Variants in SORCS1 observed in about 807,000 individuals in gnomAD.
SORCS1 encodes sortilin related VPS10 domain containing receptor 1, also known as VPS10 domain-containing receptor SorCS1.
A neutral mutation model predicts 146.1 loss-of-function variants in SORCS1; 60 were observed. The observed-to-expected ratio is 0.41, with a 90% CI of 0.33 to 0.51. SORCS1 has a LOEUF of 0.51. Among genes scored for constraint, SORCS1 ranks in the 20% least tolerant of loss-of-function variants. The pLI is 0.21. For synonymous variants in SORCS1, 637 were observed against 584.0 expected, an observed-to-expected ratio of 1.09 and a Z score of -1.31; for missense variants, 1,352 against 1,487.6, an observed-to-expected ratio of 0.91 and a Z score of 1.50.
intron 22 of SORCS1, among the ~76,000 whole-genome samples, chr10:106,610,903 A>C (rs1164170782): frequency 6.6e-6 from 1 of 152,032 alleles, no homozygotes; most frequent in Non-Finnish European, 1.5e-5. Flanking sequence ...ACATGGTGAC[A>C]CCCGTCTCTA....
chr10:106,792,254 G>A (rs923300129), intron 3 of SORCS1, among the ~76,000 whole-genome samples: 7 of 152,170 alleles, frequency 4.6e-5, no homozygotes, highest in Admixed American at 3.9e-4. Flanking sequence ...TTGCGTTCCC[G>A]AAATAAAGGA....
chr10:106,995,956 C>T (rs139283768), intron 1 of SORCS1, among the ~76,000 whole-genome samples: 3,149 of 152,030 alleles, frequency 0.021, 48 homozygotes, highest in Non-Finnish European at 0.029. Flanking sequence ...AGGCCAGGTG[C>T]GGTGGCTCAC....
chr10:106,981,617 T>C (rs934049917), intron 1 of SORCS1, among the ~76,000 whole-genome samples: 3 of 152,234 alleles, frequency 2.0e-5, no homozygotes, highest in South Asian at 2.1e-4. Context: ...TGGGTACTTA[T>C]AATCTCAGAG....
intron 1 of SORCS1, among the ~76,000 whole-genome samples, chr10:107,083,669 C>T (rs1039233114): frequency 6.6e-6 from 1 of 152,172 alleles, no homozygotes; most frequent in East Asian, 1.9e-4. Context: ...TTAACCTACT[C>T]CTAGCCTTAC....
At chr10:106,930,183 G>A (rs555812915) in intron 2 of SORCS1, among the ~76,000 whole-genome samples, 24 of 152,168 alleles carry the variant, frequency 1.6e-4, no homozygotes, top group Non-Finnish European at 3.4e-4. Context: ...TTGGGAGGCT[G>A]AGGCAGAAGA....
intron 3 of SORCS1, among the ~76,000 whole-genome samples, chr10:106,789,369 T>C (rs1946208700): frequency 6.6e-6 from 1 of 152,224 alleles, no homozygotes; most frequent in Non-Finnish European, 1.5e-5. Context: ...TGGGTTTTTC[T>C]TTTCTACTGC....
chr10:106,592,663 G>A (rs1746500474), intron 24 of SORCS1, among the ~76,000 whole-genome samples: 1 of 151,808 alleles, frequency 6.6e-6, no homozygotes, highest in Non-Finnish European at 1.5e-5. Context: ...GCTAACAATG[G>A]TTCTTTTTTT....
At chr10:107,134,057 TAGTAGTAG>T (rs1967070031) in intron 1 of SORCS1, among the ~76,000 whole-genome samples, 1 of 152,124 alleles carries the variant, frequency 6.6e-6, no homozygotes, top group Non-Finnish European at 1.5e-5. Context: ...TTACTACTAG[TAGTAGTAG>T]CAGTGCTAGT....
intron 2 of SORCS1, among the ~76,000 whole-genome samples, chr10:106,919,929 T>C (rs1952627860): frequency 6.6e-6 from 1 of 152,238 alleles, no homozygotes; most frequent in Non-Finnish European, 1.5e-5. Context: ...AGTTTCACAA[T>C]ATACCTGATT....
intron 5 of SORCS1, among the ~76,000 whole-genome samples, chr10:106,733,242 C>T (rs1856738151): frequency 6.6e-6 from 1 of 152,074 alleles, no homozygotes; most frequent in South Asian, 2.1e-4. Context: ...GTTTTCTCAT[C>T]TATAGTAAAA....
At chr10:106,884,118 T>C (rs536079352) in intron 2 of SORCS1, among the ~76,000 whole-genome samples, 1 of 152,296 alleles carries the variant, frequency 6.6e-6, no homozygotes, top group South Asian at 2.1e-4. Flanking sequence ...TTTCCTCTTT[T>C]CCTCTCTCCT....
chr10:107,064,654 AT>A (rs1308372226), intron 1 of SORCS1, among the ~76,000 whole-genome samples: 1 of 152,166 alleles, frequency 6.6e-6, no homozygotes, highest in Non-Finnish European at 1.5e-5. Context: ...GATCTACTAA[AT>A]TCTTTCCTTC....
At chr10:107,094,966 G>A (rs1964447999) in intron 1 of SORCS1, among the ~76,000 whole-genome samples, 1 of 152,176 alleles carries the variant, frequency 6.6e-6, no homozygotes, top group African/African-American at 2.4e-5. Flanking sequence ...CTGGAACATG[G>A]GAGAAGGCAG....
At position 106,770,579 on chromosome 10, in the gene SORCS1, A is replaced by G. The variant is rs556211242; in HGVS notation, c.885+5955T>C. Among the ~76,000 whole-genome samples, 6 of 152,326 alleles carry G rather than the reference A, an allele frequency of 3.9e-5. No individual in the cohort carries two copies. The South Asian group carries it at 1.2e-3, about 32-fold the overall frequency. On this transcript the variant is annotated intron_variant, in intron 4 of 25. Coordinates refer to ENST00000263054, the MANE Select transcript of SORCS1 (RefSeq NM_052918.5). Reference sequence around the variant, plus strand: ...TAATGGGAAAGAAGAAAGGACAACCACAGGGCAGCAGATGAGGTTTATTTG... The same window carrying G: ...TAATGGGAAAGAAGAAAGGACAACCGCAGGGCAGCAGATGAGGTTTATTTG...
At chr10:106,905,475 T>C (rs1951871213) in intron 2 of SORCS1, among the ~76,000 whole-genome samples, 1 of 152,240 alleles carries the variant, frequency 6.6e-6, no homozygotes, top group Non-Finnish European at 1.5e-5. Flanking sequence ...ATAAAACTAT[T>C]CTTGTCCCAT....
chr10:106,844,880 T>C (rs1949251443), intron 2 of SORCS1, among the ~76,000 whole-genome samples: 1 of 150,488 alleles, frequency 6.6e-6, no homozygotes, highest in Admixed American at 6.6e-5. Flanking sequence ...TGGTTTCCAA[T>C]TTCATCCATG....
At chr10:106,788,868 G>C (rs771748713) in intron 3 of SORCS1, among the ~76,000 whole-genome samples, 1 of 152,218 alleles carries the variant, frequency 6.6e-6, no homozygotes, top group Non-Finnish European at 1.5e-5. Context: ...TGGGCACTCT[G>C]TGTGGGGGCA....
Position 106,629,245 on chromosome 10 carries a change from G to A in SORCS1, c.2619C>T (p.Asn873=). The part of the protein sequence containing the change: ...GIFRVTVQVD[N]SLGSDSAVLY... Reference sequence around the variant, plus strand: ...GGACGGCGCTGTCAGAACCCAGACTGTTGTCCACCTGCACGGTCACACGGA... The same window carrying A: ...GGACGGCGCTGTCAGAACCCAGACTATTGTCCACCTGCACGGTCACACGGA... The change falls in exon 19 of 26, where the codon AAC becomes AAT. Residue 873 remains asparagine (N), a synonymous_variant. Transcript: ENST00000263054. The A allele has an allele frequency of 6.2e-7, 1 of 1,614,046 alleles. No individual in the cohort carries two copies. The highest frequency in any genetic ancestry group is 2.2e-5 in the East Asian group (1 of 44,840).
chr10:106,605,360 TACA>T (rs534106179), intron 23 of SORCS1, among the ~76,000 whole-genome samples: 1 of 152,084 alleles, frequency 6.6e-6, no homozygotes, highest in South Asian at 2.1e-4. Flanking sequence ...ATGTAGAAAA[TACA>T]ACACTTTTAG....
Sources: allele counts gnomAD v4.1 joint callset (sites outside exome capture counted in the v4.1 genomes callset), GRCh38; gene constraint gnomAD v4.1.1; transcripts MANE v1.5; gene names NCBI Gene and HGNC (gene_info 2026-07-23, HGNC 2026-07-21).